Variants in CBLB observed in about 807,000 individuals in gnomAD.
The protein encoded by CBLB is E3 ubiquitin-protein ligase CBL-B.
In CBLB, 31 loss-of-function variants were observed where a neutral mutation model predicts 104.9. The ratio of observed to expected loss-of-function variants is 0.30; its 90% CI spans 0.22 to 0.40. The LOEUF (loss-of-function observed/expected upper bound fraction) is 0.40. Among genes scored for constraint, CBLB ranks in the 10% least tolerant of loss-of-function variants. The pLI is 1.00. For missense variants in CBLB, 1,062 were observed against 1,214.6 expected (o/e 0.87, Z 1.87); for synonymous variants, 440 against 422.6 (o/e 1.04, Z -0.51).
intron 2 of CBLB, among the ~76,000 whole-genome samples, chr3:105,856,127 A>G (rs1355262161): frequency 6.6e-6 from 1 of 152,092 alleles, no homozygotes; most frequent in East Asian, 1.9e-4. Context: ...CGAGACAGGC[A>G]GATCATGAGG....
intron 6 of CBLB, among the ~76,000 whole-genome samples, chr3:105,742,253 T>C (rs1288754056): frequency 6.6e-6 from 1 of 152,212 alleles, no homozygotes; most frequent in Non-Finnish European, 1.5e-5. Flanking sequence ...TATGTCAAAA[T>C]ATACTTTAGT....
chr3:105,674,258 G>A (rs1002222739), intron 17 of CBLB, among the ~76,000 whole-genome samples: 4 of 152,180 alleles, frequency 2.6e-5, no homozygotes, highest in African/African-American at 9.7e-5. Context: ...AATGGCATGC[G>A]CTTTCTCATC....
chr3:105,709,231 G>A lies in CBLB; in HGVS notation c.1408-5058C>T, dbSNP rs561018190. On this transcript the variant is annotated intron_variant, in intron 10 of 18. Coordinates refer to ENST00000394030, the MANE Select transcript of CBLB (RefSeq NM_170662.5). ...ATGATTAGGCTTTCTTTTTAACCTA[G>A]AAAGGGTCTTAAACACAAAAACAAC... Among the ~76,000 whole-genome samples the A allele has an allele frequency of 9.5e-4, 144 of 151,946 alleles. 1 individual carries two copies. The highest frequency in any genetic ancestry group is 3.4e-3 in the African/African-American group (143 of 41,518).
At chr3:105,839,728 C>T (rs925953290) in intron 3 of CBLB, among the ~76,000 whole-genome samples, 10 of 152,216 alleles carry the variant, frequency 6.6e-5, no homozygotes, top group African/African-American at 2.2e-4. Flanking sequence ...AATTTACTCA[C>T]AGAAGGAAAT....
intron 12 of CBLB, among the ~76,000 whole-genome samples, chr3:105,701,725 T>C (rs1053326573): frequency 2.0e-5 from 3 of 149,974 alleles, no homozygotes; most frequent in African/African-American, 7.4e-5. Flanking sequence ...ATCACGCCAC[T>C]GCACTCCAGC....
At chr3:105,733,914 C>T in intron 9 of CBLB, 95 bp downstream of exon 9, 3 of 1,164,834 alleles carry the variant, frequency 2.6e-6, no homozygotes. Context: ...AAACAAAGCA[C>T]TTACCAGCAT....
intron 10 of CBLB, among the ~76,000 whole-genome samples, chr3:105,709,758 T>G (rs1394655048): frequency 2.6e-5 from 4 of 151,938 alleles, no homozygotes; most frequent in Non-Finnish European, 4.4e-5. Flanking sequence ...ACAATTTTTT[T>G]GAGCACAAGA....
Position 105,685,365 on chromosome 3 carries a change from A to C in CBLB, c.2156T>G (p.Leu719Arg). The C allele has an allele frequency of 6.2e-7, 1 of 1,613,736 alleles. No individual in the cohort carries two copies. The highest frequency in any genetic ancestry group is 8.5e-7 in the Non-Finnish European group (1 of 1,179,704). ...ATGACAATGAGATGGTTGTGAATTC[A>C]GGGAAACAGGGTGGGATGAAGGAAT... ...YKIPSSHPVS[L>R]NSQPSHCHNV... The change falls in exon 14 of 19, where the codon CTG becomes CGG. Residue 719 changes from leucine (L) to arginine (R), a missense_variant. Leu to Arg is a moderately radical substitution (Grantham distance 102). Around this residue, in one of 2 missense-constraint regions of CBLB, gnomAD observed 605 missense variants for 582.6 expected, o/e 1.04. Coordinates refer to ENST00000394030, the MANE Select transcript of CBLB (RefSeq NM_170662.5).
intron 3 of CBLB, among the ~76,000 whole-genome samples, chr3:105,784,906 C>T (rs1273487471): frequency 6.6e-6 from 1 of 152,186 alleles, no homozygotes; most frequent in Non-Finnish European, 1.5e-5. Context: ...GTGAGTTAAG[C>T]CATTCGTTCA....
chr3:105,705,820 G>A (rs575000553), intron 10 of CBLB, among the ~76,000 whole-genome samples: 11 of 152,176 alleles, frequency 7.2e-5, no homozygotes, highest in East Asian at 1.9e-4. Context: ...AAATTTATGC[G>A]TCCTTTGTAA....
intron 7 of CBLB, among the ~76,000 whole-genome samples, chr3:105,738,961 G>A (rs2075251621): frequency 6.6e-6 from 1 of 152,180 alleles, no homozygotes; most frequent in African/African-American, 2.4e-5. Context: ...ACAGGCTGGA[G>A]TGCAGTGGCA....
intron 2 of CBLB, among the ~76,000 whole-genome samples, chr3:105,860,781 A>G (rs1416032597): frequency 6.6e-6 from 1 of 152,192 alleles, no homozygotes; most frequent in East Asian, 1.9e-4. Flanking sequence ...CTTTTAGCTC[A>G]TAAAGTTACT....
intron 4 of CBLB, among the ~76,000 whole-genome samples, chr3:105,773,651 C>A (rs998742266): frequency 5.3e-5 from 8 of 152,092 alleles, no homozygotes; most frequent in African/African-American, 1.7e-4. Context: ...CTTAAAGTTT[C>A]TGGATTATAA....
intron 3 of CBLB, among the ~76,000 whole-genome samples, chr3:105,779,552 A>G (rs2079900141): frequency 6.6e-6 from 1 of 152,058 alleles, no homozygotes; most frequent in South Asian, 2.1e-4. Context: ...ATACTTATAC[A>G]CTCACACACA....
At chr3:105,712,230 T>C (rs896579346) in intron 10 of CBLB, among the ~76,000 whole-genome samples, 76 of 152,332 alleles carry the variant, frequency 5.0e-4, no homozygotes, top group Non-Finnish European at 1.9e-4. Context: ...TTTTATATCC[T>C]GATCCAAATA....
At chr3:105,677,185 G>T (rs1016313939) in intron 17 of CBLB, among the ~76,000 whole-genome samples, 1 of 151,838 alleles carries the variant, frequency 6.6e-6, no homozygotes, top group South Asian at 2.1e-4. Flanking sequence ...ATCACAAATG[G>T]GTAAACAGTG....
At chr3:105,680,090 G>C (rs932182000) in intron 16 of CBLB, among the ~76,000 whole-genome samples, 1 of 152,150 alleles carries the variant, frequency 6.6e-6, no homozygotes, top group Admixed American at 6.5e-5. Flanking sequence ...AAGTGAAAGT[G>C]TTTTATTGGT....
chr3:105,823,535 T>C (rs1352734810), intron 3 of CBLB, among the ~76,000 whole-genome samples: 1 of 152,216 alleles, frequency 6.6e-6, no homozygotes, highest in African/African-American at 2.4e-5. Flanking sequence ...AGGAGATTCA[T>C]ATTATTTGGT....
Position 105,747,518 on chromosome 3 carries a change from C to T in CBLB, c.724-1480G>A, listed in dbSNP as rs1355316297. 2.0e-5 allele frequency among the ~76,000 whole-genome samples: 3 copies of T among 151,924 alleles called. No individual in the cohort carries two copies. In the South Asian group the frequency reaches 6.2e-4, roughly 32 times the overall value. ...ACAAGAAAAATCTTTGGGGTATTTC[C>T]CCATCACACTAAAATACCTAATTGG... On this transcript the variant is annotated intron_variant, in intron 5 of 18. Coordinates refer to ENST00000394030, the MANE Select transcript of CBLB (RefSeq NM_170662.5).
Sources: gnomAD v4.1 joint callset for allele counts (sites outside exome capture counted in the v4.1 genomes callset) on GRCh38, gnomAD v4.1.1 for gene constraint, gnomAD v4.1.1 regional missense constraint, MANE v1.5 for transcripts, NCBI Gene and HGNC (gene_info 2026-07-23, HGNC 2026-07-21) for gene names.